The following GAPDHS variants were observed in gnomAD, a reference collection of about 807,000 sequenced individuals.
GAPDHS encodes the protein glyceraldehyde-3-phosphate dehydrogenase, testis-specific.
Under a neutral mutation model 48.7 loss-of-function variants are expected in GAPDHS, and 42 were observed. That is an observed-to-expected ratio of 0.86 (90% confidence interval 0.67 to 1.12). The LOEUF (loss-of-function observed/expected upper bound fraction) is 1.12. Ranked by LOEUF, GAPDHS falls within the 50% of genes most tolerant of loss-of-function variation. The probability of loss-of-function intolerance (pLI) is 0.00; values close to 1 mark genes in which losing one functional copy is unlikely to be tolerated. For missense variants in GAPDHS, 512 were observed against 557.7 expected, an observed-to-expected ratio of 0.92 and a Z score of 0.82; for synonymous variants, 166 against 219.1, an observed-to-expected ratio of 0.76 and a Z score of 2.14.
intron 2 of GAPDHS, among the ~76,000 whole-genome samples, chr19:35,538,075 CAA>C (rs893172505): frequency 2.1e-5 from 2 of 96,426 alleles, no homozygotes; most frequent in African/African-American, 3.6e-5. Flanking sequence ...GATTCCATCT[CAA>C]AATATATATA....
intron 1 of GAPDHS, among the ~76,000 whole-genome samples, chr19:35,534,295 C>CG (rs11403940): frequency 0.14 from 21,526 of 152,124 alleles, 2,138 homozygotes; most frequent in East Asian, 0.37. Flanking sequence ...TTCCCAAGGG[C>CG]GGGGGCCGCA....
chr19:35,543,237 C>A (rs930924534), intron 7 of GAPDHS, 103 bp from the exon 8 acceptor site: 7 of 1,365,154 alleles, frequency 5.1e-6, no homozygotes, highest in African/African-American at 1.5e-5. Flanking sequence ...GTGGTGGTGG[C>A]CCCACCAGCC....
chr19:35,542,125 T>A (rs1320561587), intron 4 of GAPDHS, 194 bp from the exon 5 acceptor site: 3 of 596,142 alleles, frequency 5.0e-6, no homozygotes, highest in African/African-American at 1.9e-5. Context: ...GAAAGTGGTC[T>A]GAAGTGGGGC....
intron 4 of GAPDHS, 161 bp from the exon 5 acceptor site, chr19:35,542,158 G>A (rs1003039770): frequency 2.9e-5 from 18 of 616,836 alleles, no homozygotes; most frequent in East Asian, 2.2e-4. Context: ...CTAGGCCAGC[G>A]GGGTGGAGCC....
intron 1 of GAPDHS, among the ~76,000 whole-genome samples, chr19:35,534,746 C>A (rs924776765): frequency 1.3e-5 from 2 of 152,268 alleles, no homozygotes; most frequent in African/African-American, 2.4e-5. Flanking sequence ...AACACTAACA[C>A]CTTCATGAAC....
chr19:35,542,997 G>A lies in GAPDHS; in HGVS notation c.712G>A (p.Glu238Lys), dbSNP rs150710154. ...GGCTCCCCTCGCCAAAGTCATCCACGAGCGATTTGGGATCGTGGAAGGGTT... is the reference window on the plus strand; with the variant it reads ...GGCTCCCCTCGCCAAAGTCATCCACAAGCGATTTGGGATCGTGGAAGGGTT... ...CLAPLAKVIH[E>K]RFGIVEGLMT... The change falls in exon 7 of 11, where the codon GAG becomes AAG. Residue 238 changes from glutamate to lysine, a missense_variant. Glu to Lys is a moderately conservative substitution (Grantham distance 56). Transcript: ENST00000222286. The A allele has an allele frequency of 7.3e-5, 118 of 1,613,978 alleles. No homozygotes were observed. The highest frequency in any genetic ancestry group is 1.6e-4 in the African/African-American group (12 of 75,054).
intron 1 of GAPDHS, among the ~76,000 whole-genome samples, chr19:35,536,081 G>T (rs1179426060): frequency 6.6e-6 from 1 of 151,898 alleles, no homozygotes; most frequent in African/African-American, 2.4e-5. Flanking sequence ...GGGACCACTG[G>T]GCTAAATCAA....
Position 35,542,616 on chromosome 19 carries a change from G to A in GAPDHS, c.659+8G>A. On this transcript the variant is annotated splice_region_variant and intron_variant, in intron 6 of 10. Coordinates refer to ENST00000222286, the MANE Select transcript of GAPDHS (RefSeq NM_014364.5). ...CTCCATGAACATTGTGAGGTAATGT[G>A]GGCAGTGACATCCTGCAATGTGTGG... 6.4e-7 allele frequency: 1 copy of A among 1,553,608 alleles called. No homozygotes were observed. The highest frequency in any genetic ancestry group is 8.9e-7 in the Non-Finnish European group (1 of 1,125,052).
chr19:35,538,211 T>C (rs577804814), intron 2 of GAPDHS, 96 bp from the exon 3 acceptor site: 2 of 804,158 alleles, frequency 2.5e-6, no homozygotes, highest in East Asian at 2.6e-5. Flanking sequence ...TGTTGCCTTC[T>C]TCCCCTGGAT....
chr19:35,543,277 G>GA lies in GAPDHS; in HGVS notation c.742-57dup, dbSNP rs2071518310. On this transcript the variant is annotated intron_variant, in intron 7 of 10. Coordinates refer to ENST00000222286, the MANE Select transcript of GAPDHS (RefSeq NM_014364.5). ...CACCTAGGCCACCAACTTAGTCCTG[G>GA]AAAAAAGAGGCATGGGAGCTTAGGA... is the stretch of plus-strand genomic sequence containing the variant. 5.7e-6 allele frequency: 9 copies of GA among 1,585,820 alleles called. No individual in the cohort carries two copies. In the Admixed American group the frequency reaches 1.3e-4, roughly 23 times the overall value.
In GAPDHS at chr19:35,542,490, GACC is replaced by G; in HGVS notation, c.544_546del (p.His182del). 6.2e-7 allele frequency: 1 copy of G among 1,612,936 alleles called. No individual in the cohort carries two copies. The highest frequency in any genetic ancestry group is 8.5e-7 in the Non-Finnish European group (1 of 1,179,006). ...CCTGACACCTGCGCTTCCTCCCCAGGACCACATCTCTGCAGGTGCTCAACGTGT... is the reference window on the plus strand; with the variant it reads ...CCTGACACCTGCGCTTCCTCCCCAGGACATCTCTGCAGGTGCTCAACGTGT... On this transcript the variant is annotated inframe_deletion and splice_region_variant, in exon 6 of 11. Transcript: ENST00000222286.
chr19:35,539,385 G>A (rs1014152344), intron 4 of GAPDHS, among the ~76,000 whole-genome samples: 1 of 152,194 alleles, frequency 6.6e-6, no homozygotes, highest in Non-Finnish European at 1.5e-5. Context: ...ATCATGGCCT[G>A]AACCAGTGTT....
intron 1 of GAPDHS, among the ~76,000 whole-genome samples, chr19:35,535,517 TGGG>T (rs2071460041): frequency 3.3e-5 from 5 of 151,882 alleles, no homozygotes; most frequent in Non-Finnish European, 7.4e-5. Flanking sequence ...CCTGAGTAGC[TGGG>T]ATTACAAGCA....
rs879633421 is a variant in GAPDHS at position 35,534,209 on chromosome 19, ACACT to A, written c.67+629_67+632del. Among the ~76,000 whole-genome samples, 242 of 152,092 alleles carry A rather than the reference ACACT, an allele frequency of 1.6e-3. 1 individual carries two copies. Among genetic ancestry groups the A allele is most frequent in the Admixed American group, 6.1e-3 (94 of 15,288 alleles). ...CGCGCGCGCGCACACACACACACAC[ACACT>A]CACTCACTCACTCTAGCCGGAGGAA... On this transcript the variant is annotated intron_variant, in intron 1 of 10. Coordinates refer to ENST00000222286, the MANE Select transcript of GAPDHS (RefSeq NM_014364.5).
Position 35,545,234 on chromosome 19 carries a change from C to A in GAPDHS, c.*64C>A. The stretch of plus-strand genomic sequence containing the variant: ...CCGGAACATGTGCCTCCCGTTCCAG[C>A]ATCTGGCTGCCCGGGGGAGGAAGGA... On this transcript the variant is annotated 3_prime_UTR_variant, in exon 11 of 11. Transcript: ENST00000222286. 2.9e-6 allele frequency: 4 copies of A among 1,368,434 alleles called. No homozygotes were observed. Among genetic ancestry groups the A allele is most frequent in the Non-Finnish European group, 4.2e-6 (4 of 957,170 alleles). 84.8% of individuals were successfully genotyped at this position (1,368,434 alleles called of 1,614,324 possible). A position where few individuals can be genotyped will look rare whatever the true frequency, so the allele number is the denominator to read the frequency against.
At chr19:35,534,415 G>A (rs1193743859) in intron 1 of GAPDHS, among the ~76,000 whole-genome samples, 1 of 152,180 alleles carries the variant, frequency 6.6e-6, no homozygotes, top group African/African-American at 2.4e-5. Context: ...TCACTGCTCC[G>A]TGGCCTCAGG....
chr19:35,535,876 TC>T (rs1217266501), intron 1 of GAPDHS, among the ~76,000 whole-genome samples: 1 of 151,712 alleles, frequency 6.6e-6, no homozygotes, highest in Non-Finnish European at 1.5e-5. Flanking sequence ...TTCAAGAGAT[TC>T]TCTTGCCTCA....
rs868540551 is a variant in GAPDHS, at chr19:35,542,411, T to C, written c.540+2T>C. 1 of 1,609,232 alleles carries C rather than the reference T, an allele frequency of 6.2e-7. No individual in the cohort carries two copies. Among genetic ancestry groups the C allele is most frequent in the Non-Finnish European group, 8.5e-7 (1 of 1,175,726 alleles). ...TACCTCTCCATACAGGCAGCTTCGG[T>C]AAGCTGGGGAGAGGTGCCCAGGGCT... is the stretch of plus-strand genomic sequence containing the variant. On this transcript the variant is annotated splice_donor_variant, in intron 5 of 10. Coordinates refer to ENST00000222286, the MANE Select transcript of GAPDHS (RefSeq NM_014364.5). LOFTEE classifies it high-confidence loss of function.
intron 4 of GAPDHS, among the ~76,000 whole-genome samples, chr19:35,539,242 A>G (rs1407808165): frequency 6.6e-6 from 1 of 152,248 alleles, no homozygotes; most frequent in Non-Finnish European, 1.5e-5. Flanking sequence ...CAACATGTCC[A>G]GAACTCAACT....
Sources: gnomAD v4.1 joint callset for allele counts (sites outside exome capture counted in the v4.1 genomes callset) on GRCh38, gnomAD v4.1.1 for gene constraint, MANE v1.5 for transcripts, NCBI Gene and HGNC (gene_info 2026-07-23, HGNC 2026-07-21) for gene names.